Variants in ARHGAP10 observed in about 807,000 individuals in gnomAD.
ARHGAP10 encodes Rho GTPase activating protein 10.
ARHGAP10 carries 87 observed loss-of-function variants against 108.6 expected under a neutral mutation model. The observed-to-expected ratio is 0.80, with a 90% CI of 0.67 to 0.96. ARHGAP10 has a LOEUF of 0.96. Among genes scored for constraint, ARHGAP10 ranks in the 40% least tolerant of loss-of-function variants. The pLI is 0.00. For synonymous variants in ARHGAP10, 347 were observed against 341.1 expected (o/e 1.02, Z -0.19); for missense variants, 939 against 954.5 (o/e 0.98, Z 0.21).
At chr4:147,877,612 G>A (rs75386394) in intron 8 of ARHGAP10, among the ~76,000 whole-genome samples, 403 of 152,138 alleles carry the variant, frequency 2.6e-3, no homozygotes, top group African/African-American at 9.4e-3. Flanking sequence ...AACTTCTGCT[G>A]GGCCTAACCT....
intron 4 of ARHGAP10, chr4:147,854,622 A>G (rs762967126): frequency 2.6e-5 from 22 of 855,572 alleles, no homozygotes; most frequent in Non-Finnish European, 3.0e-5. Context: ...AAAAAGCTCC[A>G]TTCTTTATTG....
At position 147,798,781 on chromosome 4, in the gene ARHGAP10, CTATATATATATATA is replaced by C. The variant is rs201269477; in HGVS notation, c.155-23923_155-23910del. ...TCTCTCTCTCTCTCTCTCTCTCTCT[CTATATATATATATA>C]TATATATATATATATATATATAGAC... is the stretch of plus-strand genomic sequence containing the variant. On this transcript the variant is annotated intron_variant, in intron 1 of 22. Coordinates refer to ENST00000336498, the MANE Select transcript of ARHGAP10 (RefSeq NM_024605.4). 5.4e-3 allele frequency among the ~76,000 whole-genome samples: 39 copies of C among 7,234 alleles called. 1 individual carries two copies. The highest frequency in any genetic ancestry group is 0.01 in the East Asian group (2 of 198). 4.7% of individuals were successfully genotyped at this position (7,234 alleles called of 152,430 possible).
At chr4:147,822,673 T>C in intron 1 of ARHGAP10, 54 bp from the exon 2 acceptor site, 1 of 1,537,982 alleles carries the variant, frequency 6.5e-7, no homozygotes, top group South Asian at 1.1e-5. Context: ...TAAATTTCTT[T>C]TATGCTTTGA....
intron 1 of ARHGAP10, among the ~76,000 whole-genome samples, chr4:147,806,184 T>C (rs2126766169): frequency 6.6e-6 from 1 of 152,222 alleles, no homozygotes; most frequent in Middle Eastern, 3.4e-3. Context: ...TCTTACCACC[T>C]CAGTGTCCAG....
intron 1 of ARHGAP10, among the ~76,000 whole-genome samples, chr4:147,807,330 A>G (rs1250986113): frequency 6.6e-6 from 1 of 152,210 alleles, no homozygotes; most frequent in Non-Finnish European, 1.5e-5. Flanking sequence ...AGCTCTAAAA[A>G]AGAAAAAATA....
At chr4:147,922,443 A>G (rs953833106) in intron 13 of ARHGAP10, among the ~76,000 whole-genome samples, 1 of 151,346 alleles carries the variant, frequency 6.6e-6, no homozygotes, top group African/African-American at 2.4e-5. Flanking sequence ...TAATCCCAGC[A>G]CTTTGGGAGG....
chr4:147,911,108 A>G (rs1051982911), intron 12 of ARHGAP10, among the ~76,000 whole-genome samples: 2 of 151,398 alleles, frequency 1.3e-5, no homozygotes, highest in African/African-American at 4.9e-5. Flanking sequence ...ACGTTAAAAC[A>G]TGTCTTTTTT....
chr4:147,909,844 A>C (rs1291812225), intron 12 of ARHGAP10, 67 bp downstream of exon 12: 1 of 1,485,450 alleles, frequency 6.7e-7, no homozygotes, highest in African/African-American at 1.4e-5. Flanking sequence ...TACATTATGC[A>C]TGTCAAGCTG....
intron 7 of ARHGAP10, among the ~76,000 whole-genome samples, chr4:147,871,073 C>T (rs1255471507): frequency 6.6e-6 from 1 of 151,858 alleles, no homozygotes; most frequent in Non-Finnish European, 1.5e-5. Context: ...CATTCTCCTG[C>T]CTCAGCCTCC....
At chr4:147,783,226 T>C (rs964018162) in intron 1 of ARHGAP10, among the ~76,000 whole-genome samples, 3 of 144,984 alleles carry the variant, frequency 2.1e-5, no homozygotes, top group Non-Finnish European at 3.0e-5. Flanking sequence ...TTATGTATTG[T>C]ATAATTTATA....
At chr4:147,984,640 C>T (rs1295217940) in intron 18 of ARHGAP10, among the ~76,000 whole-genome samples, 1 of 152,198 alleles carries the variant, frequency 6.6e-6, no homozygotes, top group Non-Finnish European at 1.5e-5. Flanking sequence ...TCACTGCCTC[C>T]TGTAGGACCA....
At chr4:147,823,065 A>G in intron 3 of ARHGAP10, 108 bp downstream of exon 3, 4 of 1,129,102 alleles carry the variant, frequency 3.5e-6, no homozygotes, top group Non-Finnish European at 3.9e-6. Flanking sequence ...CCCTGGGTAC[A>G]GTAGTGCATT....
At chr4:148,028,121 C>G (rs1280011917) in intron 19 of ARHGAP10, among the ~76,000 whole-genome samples, 3 of 152,114 alleles carry the variant, frequency 2.0e-5, no homozygotes, top group Non-Finnish European at 2.9e-5. Flanking sequence ...GAAGGGAAGT[C>G]TGTAGGGGGT....
intron 20 of ARHGAP10, among the ~76,000 whole-genome samples, chr4:148,059,973 TGAGAGA>T (rs145893430): frequency 1.8e-4 from 27 of 146,170 alleles, no homozygotes; most frequent in Admixed American, 8.9e-4. Context: ...GCCCACTCTT[TGAGAGA>T]GAGAGAGAGA....
At position 147,788,138 on chromosome 4, in the gene ARHGAP10, T is replaced by G. The variant is rs1375903910; in HGVS notation, c.155-34589T>G. Among the ~76,000 whole-genome samples the G allele has an allele frequency of 2.6e-5, 4 of 151,932 alleles. No homozygotes were observed. The East Asian group carries it at 7.7e-4, about 29-fold the overall frequency. ...ATAGCTCCTTTTAAAAAATTTGATT[T>G]TTTTTTTTTAAAAAGCGTTTCTGAA... On this transcript the variant is annotated intron_variant, in intron 1 of 22. Transcript: ENST00000336498.
intron 16 of ARHGAP10, among the ~76,000 whole-genome samples, chr4:147,960,010 C>G (rs143829292): frequency 6.6e-6 from 1 of 152,214 alleles, no homozygotes; most frequent in Admixed American, 6.5e-5. Flanking sequence ...CAGTAGTTGT[C>G]CTTTTACTCC....
At position 147,758,692 on chromosome 4, in the gene ARHGAP10, T is replaced by A. The variant is rs1048213967; in HGVS notation, c.154+26237T>A. 2.0e-5 allele frequency among the ~76,000 whole-genome samples: 3 copies of A among 151,868 alleles called. No homozygotes were observed. In the South Asian group the frequency reaches 6.2e-4, roughly 32 times the overall value. On this transcript the variant is annotated intron_variant, in intron 1 of 22. Coordinates refer to ENST00000336498, the MANE Select transcript of ARHGAP10 (RefSeq NM_024605.4). ...TTTTTAATTTATTATTATTATTATT[T>A]TTTAGGCTGAGTGTGGTGGCTCAGG...
intron 17 of ARHGAP10, among the ~76,000 whole-genome samples, chr4:147,965,396 G>C (rs1159320069): frequency 1.3e-5 from 2 of 152,204 alleles, no homozygotes; most frequent in Admixed American, 6.5e-5. Context: ...ACAGATTCTG[G>C]AAGTGTGAAT....
intron 20 of ARHGAP10, among the ~76,000 whole-genome samples, chr4:148,058,610 T>C (rs972818954): frequency 6.6e-6 from 1 of 152,158 alleles, no homozygotes; most frequent in African/African-American, 2.4e-5. Context: ...CTTTCTGAAA[T>C]GTTTGTGATC....
Sources: allele counts gnomAD v4.1 joint callset (sites outside exome capture counted in the v4.1 genomes callset), GRCh38; gene constraint gnomAD v4.1.1; transcripts MANE v1.5; gene names NCBI Gene and HGNC (gene_info 2026-07-23, HGNC 2026-07-21).